The following RNF111 variants were observed in gnomAD, a reference collection of about 807,000 sequenced individuals.
RNF111 encodes ring finger protein 111, also known as E3 ubiquitin-protein ligase Arkadia.
Under a neutral mutation model 95.1 loss-of-function variants are expected in RNF111, and 17 were observed. That is an observed-to-expected ratio of 0.18 (90% CI 0.12 to 0.27). RNF111 has a LOEUF of 0.27. Ranked by LOEUF, RNF111 falls within the 10% of genes least tolerant of loss-of-function variation. The pLI, the probability that RNF111 is intolerant of heterozygous loss-of-function variation, is 1.00. For missense variants in RNF111, 1,189 were observed against 1,210.4 expected, an observed-to-expected ratio of 0.98 and a Z score of 0.26; for synonymous variants, 440 against 414.8, an observed-to-expected ratio of 1.06 and a Z score of -0.74.
intron 10 of RNF111, among the ~76,000 whole-genome samples, chr15:59,088,547 C>T (rs2078961116): frequency 6.6e-6 from 1 of 152,106 alleles, no homozygotes; most frequent in East Asian, 1.9e-4. Context: ...TGTTGTGATT[C>T]AGTGTAGGCT....
rs768473439 is a variant in RNF111 at position 59,058,567 on chromosome 15, G to A, written c.1366+17G>A. On this transcript the variant is annotated intron_variant, in intron 5 of 13. Transcript: ENST00000348370. ...CTATAGGAGGTATGTAAAAAAGTGG[G>A]GGAGGGGAGACTTTTTGTCATTACT... is the stretch of plus-strand genomic sequence containing the variant. 2 of 1,607,276 alleles carry A rather than the reference G, an allele frequency of 1.2e-6. No homozygotes were observed. Among genetic ancestry groups the A allele is most frequent in the Admixed American group, 3.3e-5 (2 of 59,996 alleles).
intron 1 of RNF111, among the ~76,000 whole-genome samples, chr15:58,988,953 G>C (rs1595999676): frequency 6.6e-6 from 1 of 152,052 alleles, no homozygotes; most frequent in East Asian, 1.9e-4. Context: ...TATTTCATTT[G>C]GTATTTTATC....
intron 1 of RNF111, among the ~76,000 whole-genome samples, chr15:59,029,229 A>G (rs1450676668): frequency 6.6e-6 from 1 of 151,814 alleles, no homozygotes; most frequent in Non-Finnish European, 1.5e-5. Flanking sequence ...TATTACAGCC[A>G]TCCTGTTTGG....
intron 1 of RNF111, among the ~76,000 whole-genome samples, chr15:59,029,211 G>C (rs2040784484): frequency 1.3e-5 from 2 of 151,886 alleles, no homozygotes; most frequent in Non-Finnish European, 2.9e-5. Flanking sequence ...GTTATTACCT[G>C]TGTTCTTTAT....
chr15:59,013,545 A>G (rs1258508384), intron 1 of RNF111, among the ~76,000 whole-genome samples: 1 of 152,192 alleles, frequency 6.6e-6, no homozygotes, highest in South Asian at 2.1e-4. Context: ...TTCTCATCAC[A>G]TTGTATCAGG....
intron 5 of RNF111, among the ~76,000 whole-genome samples, chr15:59,064,236 C>A (rs1405723706): frequency 2.6e-5 from 4 of 151,926 alleles, no homozygotes; most frequent in South Asian, 2.1e-4. Flanking sequence ...ATTATTTGTT[C>A]TAAAAAGTAA....
intron 6 of RNF111, among the ~76,000 whole-genome samples, chr15:59,068,228 A>G (rs892984344): frequency 6.6e-6 from 1 of 151,498 alleles, no homozygotes; most frequent in African/African-American, 2.4e-5. Flanking sequence ...TCAAAAAACA[A>G]CAACAACAAC....
At chr15:59,021,719 G>C (rs1478701118) in intron 1 of RNF111, among the ~76,000 whole-genome samples, 4 of 152,172 alleles carry the variant, frequency 2.6e-5, no homozygotes, top group Non-Finnish European at 5.9e-5. Context: ...CTGTAACTCA[G>C]TGATCCCTGG....
At chr15:59,058,826 G>T in intron 5 of RNF111, 1 of 381,018 alleles carries the variant, frequency 2.6e-6, no homozygotes, top group Non-Finnish European at 4.9e-6. Flanking sequence ...AAAAGCAAAA[G>T]TAGATAAGTT....
chr15:59,034,677 T>G (rs1464167727), intron 2 of RNF111, among the ~76,000 whole-genome samples: 1 of 152,224 alleles, frequency 6.6e-6, no homozygotes, highest in Non-Finnish European at 1.5e-5. Flanking sequence ...CTTAGATTCT[T>G]AGGAGATAGG....
intron 1 of RNF111, among the ~76,000 whole-genome samples, chr15:59,029,730 G>T (rs1313797369): frequency 6.6e-6 from 1 of 152,146 alleles, no homozygotes; most frequent in Non-Finnish European, 1.5e-5. Flanking sequence ...TACAATAGTG[G>T]TTAACAGTTT....
intron 3 of RNF111, among the ~76,000 whole-genome samples, chr15:59,054,246 C>G (rs2141982620): frequency 6.6e-6 from 1 of 152,282 alleles, no homozygotes; most frequent in East Asian, 1.9e-4. Context: ...CTGGCCCTTT[C>G]ATTTAAGAGA....
At chr15:59,024,148 G>T (rs1335467679) in intron 1 of RNF111, among the ~76,000 whole-genome samples, 2 of 152,036 alleles carry the variant, frequency 1.3e-5, no homozygotes, top group Admixed American at 6.6e-5. Context: ...AAATTTTCAA[G>T]AAATCTTAGG....
At chr15:59,048,217 A>G (rs1355198625) in intron 2 of RNF111, among the ~76,000 whole-genome samples, 2 of 152,260 alleles carry the variant, frequency 1.3e-5, no homozygotes, top group African/African-American at 4.8e-5. Flanking sequence ...AATGTCCATC[A>G]GTGGATGAAT....
At chr15:59,012,219 G>A (rs768349415) in intron 1 of RNF111, among the ~76,000 whole-genome samples, 7 of 151,796 alleles carry the variant, frequency 4.6e-5, no homozygotes, top group Non-Finnish European at 7.4e-5. Flanking sequence ...CAGTTTCACT[G>A]TGTTGGCCAG....
At chr15:58,992,201 C>T (rs1449997595) in intron 1 of RNF111, among the ~76,000 whole-genome samples, 5 of 152,096 alleles carry the variant, frequency 3.3e-5, no homozygotes, top group African/African-American at 7.2e-5. Flanking sequence ...CGCGCCACCA[C>T]GCCTGCTAAC....
chr15:59,085,703 C>T lies in RNF111; in HGVS notation c.2468C>T (p.Pro823Leu), dbSNP rs779507691. ...GGAGTGACTGCAGCTACTTATACAC[C>T]TGGTGCATTGCATCCTCACTTGGCC... is the stretch of plus-strand genomic sequence containing the variant. ...EAGVTAATYT[P>L]GALHPHLAHY... Residue 823 changes from proline to leucine, a missense_variant, in exon 10 of 14, where the codon CCT (proline) becomes CTT (leucine). Around this residue, in one of 2 missense-constraint regions of RNF111, gnomAD observed 165 missense variants for 284.6 expected, o/e 0.58. Coordinates refer to ENST00000348370, the MANE Select transcript of RNF111 (RefSeq NM_017610.8). 9 of 1,613,554 alleles carry T rather than the reference C, an allele frequency of 5.6e-6. No homozygotes were observed. Among genetic ancestry groups the T allele is most frequent in the Non-Finnish European group, 8.5e-7 (1 of 1,179,618 alleles).
chr15:59,096,426 A>C lies in RNF111; in HGVS notation c.*1526A>C, dbSNP rs118119186. On this transcript the variant is annotated 3_prime_UTR_variant, in exon 14 of 14. Coordinates refer to ENST00000348370, the MANE Select transcript of RNF111 (RefSeq NM_017610.8). The stretch of plus-strand genomic sequence containing the variant: ...TGATTAATAAATAACTTATATTTCT[A>C]TTGTCTTTGTGTTTCATAATTAGTT... 1 of 202,764 alleles carries C rather than the reference A, an allele frequency of 4.9e-6. No homozygotes were observed. Among genetic ancestry groups the C allele is most frequent in the East Asian group, 1.1e-4 (1 of 8,996 alleles). The allele number at this position is 202,764 out of a possible 1,614,324, so 12.6% of individuals were successfully genotyped here. A position where few individuals can be genotyped will look rare whatever the true frequency, so the allele number is the denominator to read the frequency against.
At chr15:59,012,258 G>T (rs1215486080) in intron 1 of RNF111, among the ~76,000 whole-genome samples, 1 of 151,790 alleles carries the variant, frequency 6.6e-6, no homozygotes, top group African/African-American at 2.4e-5. Flanking sequence ...ACCTCAGGTG[G>T]TCCACTTGCC....
Sources: gnomAD v4.1 joint callset for allele counts (sites outside exome capture counted in the v4.1 genomes callset) on GRCh38, gnomAD v4.1.1 for gene constraint, gnomAD v4.1.1 regional missense constraint, MANE v1.5 for transcripts, NCBI Gene and HGNC (gene_info 2026-07-23, HGNC 2026-07-21) for gene names.